The following ZNF804B variants were observed in gnomAD, a reference collection of about 807,000 sequenced individuals.
The protein encoded by ZNF804B is zinc finger protein 804B.
A neutral mutation model predicts 101.4 loss-of-function variants in ZNF804B; 80 were observed. The observed-to-expected ratio is 0.79, with a 90% CI of 0.66 to 0.95. The LOEUF (loss-of-function observed/expected upper bound fraction) is 0.95. Ranked by LOEUF, ZNF804B falls within the 40% of genes least tolerant of loss-of-function variation. The pLI, the probability that ZNF804B is intolerant of heterozygous loss-of-function variation, is 0.00. For missense variants in ZNF804B, 1,673 were observed against 1,561.9 expected (o/e 1.07, Z -1.20); for synonymous variants, 622 against 558.8 (o/e 1.11, Z -1.59).
chr7:88,832,681 ATTGT>A (rs1346234107), intron 1 of ZNF804B, among the ~76,000 whole-genome samples: 1 of 151,912 alleles, frequency 6.6e-6, no homozygotes, highest in Non-Finnish European at 1.5e-5. Context: ...TCAGAATCAA[ATTGT>A]TTGGCCGAAG....
At chr7:89,222,677 C>T (rs185202660) in intron 2 of ZNF804B, among the ~76,000 whole-genome samples, 144 of 151,994 alleles carry the variant, frequency 9.5e-4, no homozygotes, top group African/African-American at 3.3e-3. Flanking sequence ...GAAGTGCCCT[C>T]TTGTCTTGTG....
At chr7:88,998,916 A>G (rs1473995896) in intron 1 of ZNF804B, among the ~76,000 whole-genome samples, 2 of 152,034 alleles carry the variant, frequency 1.3e-5, no homozygotes, top group Non-Finnish European at 2.9e-5. Context: ...CTTTTACAAT[A>G]AGATTACTAA....
intron 1 of ZNF804B, among the ~76,000 whole-genome samples, chr7:88,949,392 C>T (rs531960622): frequency 6.6e-6 from 1 of 151,956 alleles, no homozygotes; most frequent in South Asian, 2.1e-4. Context: ...CCAAAAATCC[C>T]CTGGGAGACA....
chr7:89,171,288 G>GCTTCTTCTTCTTCTTCTTCTT (rs1203060273), intron 1 of ZNF804B, among the ~76,000 whole-genome samples: 115 of 82,520 alleles, frequency 1.4e-3, no homozygotes, highest in Admixed American at 2.1e-3. Flanking sequence ...TGCTGCTGCT[G>GCTTCTTCTTCTTCTTCTTCTT]CTTCTTCTTC....
At chr7:89,300,645 T>G (rs1389412336) in intron 2 of ZNF804B, among the ~76,000 whole-genome samples, 1 of 151,812 alleles carries the variant, frequency 6.6e-6, no homozygotes, top group Non-Finnish European at 1.5e-5. Flanking sequence ...AGCATTGGAA[T>G]GGAGAGAGAG....
chr7:89,299,767 C>T (rs1415320026), intron 2 of ZNF804B, among the ~76,000 whole-genome samples: 1 of 151,938 alleles, frequency 6.6e-6, no homozygotes, highest in African/African-American at 2.4e-5. Flanking sequence ...TGCTTTCTCC[C>T]ATTTAGCTCT....
chr7:88,815,181 T>C (rs1790856497), intron 1 of ZNF804B, among the ~76,000 whole-genome samples: 1 of 147,758 alleles, frequency 6.8e-6, no homozygotes, highest in Admixed American at 6.8e-5. Flanking sequence ...TAATAAAATA[T>C]ATAAAATATA....
intron 1 of ZNF804B, among the ~76,000 whole-genome samples, chr7:89,145,134 C>T (rs565432860): frequency 6.4e-4 from 96 of 151,142 alleles, no homozygotes; most frequent in Admixed American, 2.7e-3. Flanking sequence ...TTCAAAAAAA[C>T]GAAAATAAAT....
At chr7:89,071,764 T>C (rs2116298402) in intron 1 of ZNF804B, among the ~76,000 whole-genome samples, 1 of 142,910 alleles carries the variant, frequency 7.0e-6, no homozygotes, top group Admixed American at 7.0e-5. Context: ...TAGTAGATAT[T>C]TATGCACACA....
chr7:88,930,275 T>C (rs2116017858), intron 1 of ZNF804B, among the ~76,000 whole-genome samples: 1 of 152,068 alleles, frequency 6.6e-6, no homozygotes, highest in South Asian at 2.1e-4. Flanking sequence ...GGGATATAGT[T>C]GCAAAAATTA....
chr7:89,201,233 A>G (rs561394197), intron 1 of ZNF804B, among the ~76,000 whole-genome samples: 1 of 152,218 alleles, frequency 6.6e-6, no homozygotes, highest in Non-Finnish European at 1.5e-5. Flanking sequence ...GAGGACACAG[A>G]TTCCAACCCA....
intron 2 of ZNF804B, among the ~76,000 whole-genome samples, chr7:89,305,185 T>C (rs910142192): frequency 6.6e-6 from 1 of 152,008 alleles, no homozygotes; most frequent in African/African-American, 2.4e-5. Flanking sequence ...TACATAGTAC[T>C]TTGAAGTCAT....
At chr7:88,968,800 C>A (rs537431009) in intron 1 of ZNF804B, among the ~76,000 whole-genome samples, 43 of 151,722 alleles carry the variant, frequency 2.8e-4, no homozygotes, top group African/African-American at 1.0e-3. Flanking sequence ...TACTGTGCTA[C>A]CTCAGGTAGT....
At chr7:89,010,682 T>C (rs1788442529) in intron 1 of ZNF804B, among the ~76,000 whole-genome samples, 1 of 152,178 alleles carries the variant, frequency 6.6e-6, no homozygotes, top group Non-Finnish European at 1.5e-5. Context: ...AAAGTAGATA[T>C]TTTTGATGTA....
chr7:88,810,753 A>G (rs1790772686), intron 1 of ZNF804B, among the ~76,000 whole-genome samples: 2 of 152,230 alleles, frequency 1.3e-5, no homozygotes, highest in Admixed American at 6.5e-5. Context: ...ATTCCAATGT[A>G]CAAATGCACT....
At chr7:89,160,148 ATAAT>A (rs1791037089) in intron 1 of ZNF804B, among the ~76,000 whole-genome samples, 1 of 152,190 alleles carries the variant, frequency 6.6e-6, no homozygotes, top group Non-Finnish European at 1.5e-5. Context: ...TTATTAATTG[ATAAT>A]TAATTATTCT....
At position 89,244,458 on chromosome 7, in the gene ZNF804B, C is replaced by A. The variant is rs535895349; in HGVS notation, c.249+26163C>A. On this transcript the variant is annotated intron_variant, in intron 2 of 3. Transcript: ENST00000333190. ...TTTTCAGATATGTTTTGCTAGATAA[C>A]CCTCTAAAGATAACACTGAATAAAG... 9.4e-4 allele frequency among the ~76,000 whole-genome samples: 143 copies of A among 152,030 alleles called. 2 individuals carry two copies. Among genetic ancestry groups the A allele is most frequent in the African/African-American group, 3.4e-3 (140 of 41,496 alleles).
At chr7:89,326,529 G>A (rs957200243) in intron 2 of ZNF804B, among the ~76,000 whole-genome samples, 3 of 151,974 alleles carry the variant, frequency 2.0e-5, no homozygotes, top group African/African-American at 7.2e-5. Flanking sequence ...AAATCACTTT[G>A]TATGAGTTAA....
At chr7:89,298,216 G>GTGTATATATA (rs1421058768) in intron 2 of ZNF804B, among the ~76,000 whole-genome samples, 41 of 27,506 alleles carry the variant, frequency 1.5e-3, no homozygotes, top group African/African-American at 5.3e-3. Flanking sequence ...GTGTGTGTGT[G>GTGTATATATA]TATATATATA....
Sources: gnomAD v4.1 joint callset for allele counts (sites outside exome capture counted in the v4.1 genomes callset) on GRCh38, gnomAD v4.1.1 for gene constraint, MANE v1.5 for transcripts, NCBI Gene and HGNC (gene_info 2026-07-23, HGNC 2026-07-21) for gene names.